Variants in MEP1A observed in about 807,000 individuals in gnomAD.
MEP1A encodes meprin A subunit alpha, also known as N-benzoyl-L-tyrosyl-P-amino-benzoic acid hydrolase subunit alpha.
In MEP1A, 68 loss-of-function variants were observed where a neutral mutation model predicts 84.5. The ratio of observed to expected loss-of-function variants is 0.80; its 90% confidence interval spans 0.66 to 0.98. The LOEUF (loss-of-function observed/expected upper bound fraction) is 0.98. MEP1A is among the 50% of genes least tolerant of loss of function. The probability of loss-of-function intolerance (pLI) is 0.00; values close to 1 mark genes in which losing one functional copy is unlikely to be tolerated. For synonymous variants in MEP1A, 337 were observed against 336.8 expected (o/e 1.00, Z -0.01); for missense variants, 887 against 919.9 (o/e 0.96, Z 0.46).
chr6:46,816,282 G>T lies in MEP1A; in HGVS notation c.381-3247G>T, dbSNP rs1767632785. 4.6e-5 allele frequency among the ~76,000 whole-genome samples: 7 copies of T among 152,190 alleles called. No homozygotes were observed. The South Asian group carries it at 1.2e-3, about 27-fold the overall frequency. ...TCATTCTTCTATTTTTAAAAAAATT[G>T]CACACCTACTACATTCCAGGAAGTG... On this transcript the variant is annotated intron_variant, in intron 6 of 13. Transcript: ENST00000230588.
intron 5 of MEP1A, among the ~76,000 whole-genome samples, chr6:46,804,235 G>GA (rs1024883207): frequency 6.6e-6 from 1 of 151,444 alleles, no homozygotes; most frequent in African/African-American, 2.4e-5. Context: ...TCTTTTACCT[G>GA]AAAATGATCT....
At chr6:46,813,572 A>C (rs1358730572) in intron 6 of MEP1A, among the ~76,000 whole-genome samples, 1 of 152,126 alleles carries the variant, frequency 6.6e-6, no homozygotes, top group Non-Finnish European at 1.5e-5. Context: ...GGTGTGAGGT[A>C]CTATTCTATA....
intron 1 of MEP1A, 27 bp downstream of exon 1, chr6:46,793,494 T>A (rs1253869725): frequency 6.3e-7 from 1 of 1,599,524 alleles, no homozygotes; most frequent in Non-Finnish European, 8.6e-7. Flanking sequence ...TTTTTGGATA[T>A]TTAGAAATAT....
At chr6:46,810,907 C>G (rs1767482878) in intron 6 of MEP1A, among the ~76,000 whole-genome samples, 1 of 152,088 alleles carries the variant, frequency 6.6e-6, no homozygotes, top group Non-Finnish European at 1.5e-5. Context: ...AACGTGATGA[C>G]TCCAGATTTG....
chr6:46,817,700 A>G (rs981378498), intron 6 of MEP1A, among the ~76,000 whole-genome samples: 6 of 152,330 alleles, frequency 3.9e-5, no homozygotes, highest in Non-Finnish European at 8.8e-5. Context: ...TCTCACTTTC[A>G]CAGTGAAGTT....
intron 10 of MEP1A, among the ~76,000 whole-genome samples, chr6:46,829,778 G>A (rs6903045): frequency 0.42 from 64,273 of 151,896 alleles, 13,957 homozygotes; most frequent in African/African-American, 0.5. Context: ...GAAATTAGAA[G>A]CAGTATCTTG....
rs1485548284 is a variant in MEP1A at position 46,824,974 on chromosome 6, T to C, written c.557-298T>C. ...ATTTAAATAGATCTATTTAAATATA[T>C]ATAAATTATATATTTAAATAGATCT... On this transcript the variant is annotated intron_variant, in intron 7 of 13. Coordinates refer to ENST00000230588, the MANE Select transcript of MEP1A (RefSeq NM_005588.3). Among the ~76,000 whole-genome samples the C allele has an allele frequency of 2.3e-5, 3 of 132,898 alleles. No individual in the cohort carries two copies. The East Asian group carries it at 6.3e-4, about 28-fold the overall frequency. 87.2% of individuals were successfully genotyped at this position (132,898 alleles called of 152,430 possible).
chr6:46,818,347 C>G (rs892413546), intron 6 of MEP1A, among the ~76,000 whole-genome samples: 2 of 152,120 alleles, frequency 1.3e-5, no homozygotes, highest in Non-Finnish European at 2.9e-5. Context: ...TTGGGGAGAA[C>G]ATTGGCAGGT....
Position 46,829,361 on chromosome 6 carries a change from G to C in MEP1A, c.934G>C (p.Gly312Arg). 1 of 1,612,986 alleles carries C rather than the reference G, an allele frequency of 6.2e-7. No homozygotes were observed. Reference protein sequence around the residue: ...HTLLGQCTGAGYFMQFSTSSG... With the variant: ...HTLLGQCTGARYFMQFSTSSG... Reference sequence around the variant, plus strand: ...TTTGGCTGCTCTTTCCATAGGTGCCGGCTACTTCATGCAGTTCAGCACCAG... The same window carrying C: ...TTTGGCTGCTCTTTCCATAGGTGCCCGCTACTTCATGCAGTTCAGCACCAG... The change falls in exon 10 of 14, where the codon GGC becomes CGC. Residue 312 changes from glycine to arginine, a missense_variant. By Grantham distance (125) the Gly-to-Arg change is moderately radical. Coordinates refer to ENST00000230588, the MANE Select transcript of MEP1A (RefSeq NM_005588.3).
chr6:46,843,823 C>A (rs142568424), downstream of MEP1A, among the ~76,000 whole-genome samples: 1 of 152,192 alleles, frequency 6.6e-6, no homozygotes, highest in Non-Finnish European at 1.5e-5. Flanking sequence ...ATTCTGAAGT[C>A]CACCTCTTGT....
intron 7 of MEP1A, among the ~76,000 whole-genome samples, chr6:46,824,050 C>T (rs2150751528): frequency 6.6e-6 from 1 of 152,264 alleles, no homozygotes; most frequent in East Asian, 1.9e-4. Flanking sequence ...CCCTCTGCCC[C>T]TCAGATTTCC....
At chr6:46,830,869 C>T (rs1011989412) in intron 10 of MEP1A, among the ~76,000 whole-genome samples, 10 of 152,146 alleles carry the variant, frequency 6.6e-5, no homozygotes, top group African/African-American at 2.4e-4. Flanking sequence ...CAGCTAGATA[C>T]TCTTTAAGAG....
At chr6:46,822,298 G>A (rs1354720800) in intron 7 of MEP1A, among the ~76,000 whole-genome samples, 2 of 152,096 alleles carry the variant, frequency 1.3e-5, no homozygotes, top group Non-Finnish European at 1.5e-5. Context: ...CAGGTTTGCT[G>A]ACTGATCCCT....
At chr6:46,797,646 T>G (rs1269925223) in intron 3 of MEP1A, among the ~76,000 whole-genome samples, 2 of 152,174 alleles carry the variant, frequency 1.3e-5, no homozygotes, top group Non-Finnish European at 2.9e-5. Context: ...GGTACACTGG[T>G]AGAAAGAGCC....
chr6:46,794,541 T>C (rs1053430793), intron 3 of MEP1A, among the ~76,000 whole-genome samples: 2 of 152,210 alleles, frequency 1.3e-5, no homozygotes, highest in African/African-American at 4.8e-5. Flanking sequence ...CATACCTTAA[T>C]AGCTCAGTGC....
At chr6:46,814,907 C>G (rs1269634064) in intron 6 of MEP1A, among the ~76,000 whole-genome samples, 4 of 152,122 alleles carry the variant, frequency 2.6e-5, no homozygotes, top group Non-Finnish European at 5.9e-5. Context: ...GTCTTCAGGT[C>G]TTGCAGCTAT....
downstream of MEP1A, among the ~76,000 whole-genome samples, chr6:46,840,722 A>G (rs1768316925): frequency 6.6e-6 from 1 of 152,228 alleles, no homozygotes; most frequent in Non-Finnish European, 1.5e-5. Context: ...GTAGCAGAGT[A>G]ATACAATGGG....
chr6:46,797,796 T>C (rs866187084), intron 3 of MEP1A, among the ~76,000 whole-genome samples: 42 of 13,182 alleles, frequency 3.2e-3, no homozygotes, highest in African/African-American at 0.022. Context: ...TTCTTTCTCT[T>C]TCTTTCTTTC....
intron 11 of MEP1A, 136 bp from the exon 12 acceptor site, chr6:46,834,441 AT>A (rs1322763678): frequency 3.0e-5 from 1 of 33,768 alleles, no homozygotes; most frequent in Non-Finnish European, 6.2e-5. Flanking sequence ...TTTTATATTT[AT>A]TTATTTATTT....
Sources: allele counts gnomAD v4.1 joint callset (sites outside exome capture counted in the v4.1 genomes callset), GRCh38; gene constraint gnomAD v4.1.1; transcripts MANE v1.5; gene names NCBI Gene and HGNC (gene_info 2026-07-23, HGNC 2026-07-21).